The following SLC39A11 variants were observed in gnomAD, a reference collection of about 807,000 sequenced individuals.
SLC39A11 encodes solute carrier family 39 member 11.
Under a neutral mutation model 36.1 loss-of-function variants are expected in SLC39A11, and 33 were observed. The observed-to-expected ratio is 0.91, with a 90% CI of 0.69 to 1.22. SLC39A11 has a LOEUF of 1.22. Ranked by LOEUF, SLC39A11 falls within the 50% of genes most tolerant of loss-of-function variation. SLC39A11 has a pLI of 0.00. For missense variants in SLC39A11, 432 were observed against 430.3 expected (o/e 1.00, Z -0.03); for synonymous variants, 166 against 170.3 (o/e 0.97, Z 0.20).
chr17:72,845,840 C>T (rs554387738), intron 6 of SLC39A11, among the ~76,000 whole-genome samples: 1 of 152,250 alleles, frequency 6.6e-6, no homozygotes, highest in East Asian at 1.9e-4. Flanking sequence ...ACTATTACCA[C>T]CATGCTTCTG....
chr17:72,875,737 C>T (rs1377572852), intron 5 of SLC39A11, among the ~76,000 whole-genome samples: 3 of 152,172 alleles, frequency 2.0e-5, no homozygotes, highest in Non-Finnish European at 4.4e-5. Context: ...CCTTAGAGCA[C>T]TTTCAATGCT....
At chr17:72,668,604 G>A (rs2070859313) in intron 7 of SLC39A11, among the ~76,000 whole-genome samples, 1 of 152,240 alleles carries the variant, frequency 6.6e-6, no homozygotes, top group African/African-American at 2.4e-5. Flanking sequence ...AGTTCAAAGT[G>A]AGGAGAGAGA....
intron 4 of SLC39A11, among the ~76,000 whole-genome samples, chr17:72,964,614 A>G (rs1311315771): frequency 6.6e-6 from 1 of 152,228 alleles, no homozygotes; most frequent in African/African-American, 2.4e-5. Context: ...CTAGTGTGAG[A>G]TACTTGGCCA....
intron 6 of SLC39A11, among the ~76,000 whole-genome samples, chr17:72,790,022 A>G (rs762432642): frequency 6.6e-6 from 1 of 152,184 alleles, no homozygotes; most frequent in African/African-American, 2.4e-5. Context: ...AATCCACTCA[A>G]TCCTGCAGGA....
chr17:72,743,194 G>T (rs778295870), intron 6 of SLC39A11, among the ~76,000 whole-genome samples: 29 of 152,192 alleles, frequency 1.9e-4, no homozygotes, highest in African/African-American at 4.1e-4. Context: ...TGACCCAGCT[G>T]GGGGGGCTAG....
chr17:72,687,833 G>C (rs192096617), intron 7 of SLC39A11, among the ~76,000 whole-genome samples: 28 of 152,274 alleles, frequency 1.8e-4, no homozygotes, highest in Non-Finnish European at 2.4e-4. Context: ...CAAAATCTTT[G>C]CCAAGTAGGC....
chr17:72,684,906 G>A (rs1375105591), intron 7 of SLC39A11, among the ~76,000 whole-genome samples: 4 of 152,120 alleles, frequency 2.6e-5, no homozygotes, highest in Admixed American at 6.5e-5. Flanking sequence ...CAGGCCCCCC[G>A]GGGGTTCTGA....
chr17:72,685,200 T>G (rs1288374698), intron 7 of SLC39A11, among the ~76,000 whole-genome samples: 1 of 152,144 alleles, frequency 6.6e-6, no homozygotes, highest in Admixed American at 6.5e-5. Context: ...ACAGGTGGTA[T>G]GCAAACAGAT....
At chr17:72,710,298 A>G (rs1016554069) in intron 7 of SLC39A11, among the ~76,000 whole-genome samples, 1 of 152,170 alleles carries the variant, frequency 6.6e-6, no homozygotes, top group African/African-American at 2.4e-5. Context: ...TTTGAATCAC[A>G]TCCTGTTATT....
chr17:73,018,662 A>G (rs2058247458), intron 4 of SLC39A11, among the ~76,000 whole-genome samples: 1 of 152,192 alleles, frequency 6.6e-6, no homozygotes. Context: ...CATCCCAACA[A>G]AGCCTAAAAC....
At chr17:72,784,750 C>T (rs538177999) in intron 6 of SLC39A11, among the ~76,000 whole-genome samples, 116 of 152,154 alleles carry the variant, frequency 7.6e-4, no homozygotes, top group Non-Finnish European at 1.4e-3. Context: ...TCACCTTCTG[C>T]CATGATTATA....
At chr17:72,736,458 AAGACTCCTCTCTTAGG>A (rs1397063955) in intron 7 of SLC39A11, among the ~76,000 whole-genome samples, 176 bp downstream of exon 7, 1 of 152,164 alleles carries the variant, frequency 6.6e-6, no homozygotes, top group Non-Finnish European at 1.5e-5. Flanking sequence ...GCTCAGTTGA[AAGACTCCTCTCTTAGG>A]AGACTCCTCT....
chr17:73,002,558 C>T (rs138121429), intron 4 of SLC39A11, among the ~76,000 whole-genome samples: 124 of 152,278 alleles, frequency 8.1e-4, no homozygotes, highest in African/African-American at 2.9e-3. Flanking sequence ...AGAGAAAGGG[C>T]TCTCACTACC....
intron 7 of SLC39A11, among the ~76,000 whole-genome samples, chr17:72,717,165 T>C (rs1376605029): frequency 6.7e-6 from 1 of 148,338 alleles, no homozygotes; most frequent in Non-Finnish European, 1.5e-5. Context: ...TATACATATA[T>C]ATAAAAATAA....
intron 6 of SLC39A11, among the ~76,000 whole-genome samples, chr17:72,789,567 C>T (rs1306140895): frequency 6.6e-6 from 1 of 152,216 alleles, no homozygotes; most frequent in African/African-American, 2.4e-5. Flanking sequence ...AGCTCTGATT[C>T]CACCCTTCAG....
chr17:72,742,367 A>G (rs933746874), intron 6 of SLC39A11, among the ~76,000 whole-genome samples: 50 of 152,166 alleles, frequency 3.3e-4, no homozygotes, highest in African/African-American at 1.2e-3. Context: ...GTCCATGGTC[A>G]TGAGAATATG....
At chr17:72,822,325 T>G (rs77657561) in intron 6 of SLC39A11, among the ~76,000 whole-genome samples, 1,749 of 144,092 alleles carry the variant, frequency 0.012, 58 homozygotes, top group Middle Eastern at 0.033. Context: ...AATATATATA[T>G]AGAGAGAGAG....
chr17:72,662,724 G>C (rs1426838575), intron 7 of SLC39A11, among the ~76,000 whole-genome samples: 1 of 124,244 alleles, frequency 8.0e-6, no homozygotes, highest in Non-Finnish European at 1.6e-5. Context: ...AGAAGAAAGA[G>C]AGAGAGAGAA....
chr17:73,038,933 A>C (rs1471529230), intron 3 of SLC39A11, among the ~76,000 whole-genome samples: 2 of 151,986 alleles, frequency 1.3e-5, no homozygotes. Context: ...ATCTGTGACA[A>C]CACCAAAACG....
Sources: gnomAD v4.1 joint callset for allele counts (sites outside exome capture counted in the v4.1 genomes callset) on GRCh38, gnomAD v4.1.1 for gene constraint, MANE v1.5 for transcripts, NCBI Gene and HGNC (gene_info 2026-07-23, HGNC 2026-07-21) for gene names.